The following BBS9 variants were observed in gnomAD, a reference collection of about 807,000 sequenced individuals.
The protein encoded by BBS9 is Bardet-Biedl syndrome 9.
A neutral mutation model predicts 117.7 loss-of-function variants in BBS9; 89 were observed. The observed-to-expected ratio is 0.76, with a 90% CI of 0.64 to 0.90. The LOEUF (loss-of-function observed/expected upper bound fraction) is 0.90. Ranked by LOEUF, BBS9 falls within the 40% of genes least tolerant of loss-of-function variation. BBS9 has a pLI of 0.00. For missense variants in BBS9, 982 were observed against 1,042.2 expected, an observed-to-expected ratio of 0.94 and a Z score of 0.80; for synonymous variants, 379 against 370.9, an observed-to-expected ratio of 1.02 and a Z score of -0.25.
At chr7:33,520,118 C>T (rs781394933) in intron 20 of BBS9, among the ~76,000 whole-genome samples, 1 of 151,600 alleles carries the variant, frequency 6.6e-6, no homozygotes. Context: ...AAGCGATTCT[C>T]CTGCCTCAGC....
At chr7:33,559,910 C>T (rs867756344) in intron 21 of BBS9, among the ~76,000 whole-genome samples, 61 of 152,232 alleles carry the variant, frequency 4.0e-4, no homozygotes, top group African/African-American at 1.3e-3. Flanking sequence ...TGATCCTGGG[C>T]ATATTATTCC....
intron 9 of BBS9, among the ~76,000 whole-genome samples, chr7:33,301,764 C>T (rs1806496748): frequency 6.6e-6 from 1 of 152,086 alleles, no homozygotes; most frequent in Non-Finnish European, 1.5e-5. Context: ...CTTCAATCTA[C>T]TGATTTGCTT....
chr7:33,344,756 A>AT (rs1451425630), intron 12 of BBS9, 122 bp downstream of exon 12: 3 of 1,039,548 alleles, frequency 2.9e-6, no homozygotes, highest in South Asian at 2.6e-5. Flanking sequence ...GCATTTGTAG[A>AT]TTTTTCCCCA....
chr7:33,607,334 A>G (rs1563443289), downstream of BBS9, among the ~76,000 whole-genome samples: 1 of 151,968 alleles, frequency 6.6e-6, no homozygotes, highest in African/African-American at 2.4e-5. Context: ...TTTTTTCTTA[A>G]ATTTGGCTTT....
chr7:33,405,366 G>A (rs1368268808), intron 19 of BBS9, among the ~76,000 whole-genome samples: 1 of 152,130 alleles, frequency 6.6e-6, no homozygotes, highest in Non-Finnish European at 1.5e-5. Context: ...CATAAAATGA[G>A]TTAGGGAGGA....
chr7:33,379,334 C>T (rs1824508184), intron 17 of BBS9, among the ~76,000 whole-genome samples: 1 of 151,970 alleles, frequency 6.6e-6, no homozygotes, highest in African/African-American at 2.4e-5. Context: ...TTATGTTTAT[C>T]TTTTTTAAGA....
chr7:33,179,503 C>T (rs372949908), intron 5 of BBS9, among the ~76,000 whole-genome samples: 3 of 152,174 alleles, frequency 2.0e-5, no homozygotes, highest in East Asian at 3.9e-4. Flanking sequence ...GTGAACTGTG[C>T]ATGCAAGGGA....
chr7:33,219,828 T>A (rs1294167131), intron 5 of BBS9, among the ~76,000 whole-genome samples: 1 of 152,152 alleles, frequency 6.6e-6, no homozygotes, highest in Non-Finnish European at 1.5e-5. Flanking sequence ...GGGGTCCCCT[T>A]CCACACTGTG....
At chr7:33,249,951 G>C (rs1430319157) in intron 5 of BBS9, among the ~76,000 whole-genome samples, 1 of 152,132 alleles carries the variant, frequency 6.6e-6, no homozygotes, top group Non-Finnish European at 1.5e-5. Flanking sequence ...GCAGTCCAGG[G>C]TGCATCGTAT....
intron 1 of BBS9, among the ~76,000 whole-genome samples, chr7:33,143,318 CA>C (rs1791815128): frequency 6.6e-6 from 1 of 152,090 alleles, no homozygotes; most frequent in Non-Finnish European, 1.5e-5. Flanking sequence ...ATAGTAGCTA[CA>C]CCATTTTATA....
At chr7:33,277,717 G>T (rs1801021371) in intron 9 of BBS9, among the ~76,000 whole-genome samples, 1 of 152,154 alleles carries the variant, frequency 6.6e-6, no homozygotes, top group South Asian at 2.1e-4. Flanking sequence ...TGTGGGAAAT[G>T]ATCCTGTTGC....
intron 21 of BBS9, among the ~76,000 whole-genome samples, chr7:33,603,136 C>T (rs1293287110): frequency 6.6e-6 from 1 of 152,120 alleles, no homozygotes. Context: ...GGCTGGGGGA[C>T]GTCTCTTCCT....
At position 33,231,428 on chromosome 7, in the gene BBS9, C is replaced by CTTTTTTTTTTTTTTTTTTTTTTT. The variant is rs35407590; in HGVS notation, c.443-25791_443-25790insTTTTTTTTTTTTTTTTTTTTTTT. 1.3e-3 allele frequency among the ~76,000 whole-genome samples: 140 copies of CTTTTTTTTTTTTTTTTTTTTTTT among 106,332 alleles called. 1 individual carries two copies. Among genetic ancestry groups the CTTTTTTTTTTTTTTTTTTTTTTT allele is most frequent in the Non-Finnish European group, 1.8e-3 (94 of 51,764 alleles). 69.8% of individuals were successfully genotyped at this position (106,332 alleles called of 152,430 possible). ...TATTCTGTTCCTCTGGCCTATGTGT[C>CTTTTTTTTTTTTTTTTTTTTTTT]TTTTTTTTTTTTTTTTTGCCAGGAC... On this transcript the variant is annotated intron_variant, in intron 5 of 22. Coordinates refer to ENST00000242067, the MANE Select transcript of BBS9 (RefSeq NM_198428.3).
chr7:33,154,026 C>T (rs898529940), intron 3 of BBS9, among the ~76,000 whole-genome samples: 1 of 152,190 alleles, frequency 6.6e-6, no homozygotes, highest in Non-Finnish European at 1.5e-5. Flanking sequence ...TAGCCCTCAT[C>T]TATGTGCTCA....
At chr7:33,133,520 C>T (rs1308250323) in intron 1 of BBS9, among the ~76,000 whole-genome samples, 1 of 152,112 alleles carries the variant, frequency 6.6e-6, no homozygotes, top group East Asian at 1.9e-4. Context: ...TAATAGGTGG[C>T]CTTTTGTTAC....
At chr7:33,230,282 T>C (rs1425931794) in intron 5 of BBS9, among the ~76,000 whole-genome samples, 1 of 152,150 alleles carries the variant, frequency 6.6e-6, no homozygotes, top group Non-Finnish European at 1.5e-5. Flanking sequence ...ATTTTTGCTT[T>C]TGTGGCCTTC....
At chr7:33,305,451 C>CT (rs1807687761) in intron 9 of BBS9, among the ~76,000 whole-genome samples, 1 of 152,078 alleles carries the variant, frequency 6.6e-6, no homozygotes, top group Non-Finnish European at 1.5e-5. Flanking sequence ...GTATTCCTTC[C>CT]TCCTCTATTT....
chr7:33,469,085 G>A (rs1250259433), intron 19 of BBS9, among the ~76,000 whole-genome samples: 1 of 152,026 alleles, frequency 6.6e-6, no homozygotes, highest in Non-Finnish European at 1.5e-5. Flanking sequence ...TTACAGTAGA[G>A]TAGATTGACT....
chr7:33,247,207 A>AAT (rs1795477832), intron 5 of BBS9, among the ~76,000 whole-genome samples: 1 of 152,156 alleles, frequency 6.6e-6, no homozygotes, highest in African/African-American at 2.4e-5. Flanking sequence ...ATAACCCAGT[A>AAT]ATATCAATTA....
Sources: gnomAD v4.1 joint callset for allele counts (sites outside exome capture counted in the v4.1 genomes callset) on GRCh38, gnomAD v4.1.1 for gene constraint, MANE v1.5 for transcripts, NCBI Gene and HGNC (gene_info 2026-07-23, HGNC 2026-07-21) for gene names.